The following PABPC1 variants were observed in gnomAD, a reference collection of about 807,000 sequenced individuals.
PABPC1 encodes the protein polyadenylate-binding protein 1.
In PABPC1, 4 loss-of-function variants were observed where a neutral mutation model predicts 74.0. The observed-to-expected ratio is 0.05, with a 90% CI of 0.03 to 0.12. The LOEUF (loss-of-function observed/expected upper bound fraction) is 0.12. Ranked by LOEUF, PABPC1 falls within the 10% of genes least tolerant of loss-of-function variation. The pLI is 1.00. For missense variants in PABPC1, 271 were observed against 821.1 expected, an observed-to-expected ratio of 0.33 and a Z score of 8.19; for synonymous variants, 227 against 264.1, an observed-to-expected ratio of 0.86 and a Z score of 1.36.
In PABPC1 at chr8:100,709,508, G is replaced by T. The variant is rs759210686; in HGVS notation, c.1196C>A (p.Pro399His). 4.3e-6 allele frequency: 7 copies of T among 1,614,216 alleles called. No homozygotes were observed. The highest frequency in any genetic ancestry group is 5.9e-6 in the Non-Finnish European group (7 of 1,180,050). The change falls in exon 8 of 15, where the codon CCC (proline) becomes CAC (histidine). Residue 399 changes from proline (P) to histidine (H), a missense_variant. Pro to His is a moderately conservative substitution (Grantham distance 77). This residue lies in a region of PABPC1 where 103 missense variants were observed against 245.3 expected (regional missense o/e 0.42). Coordinates refer to ENST00000318607, the MANE Select transcript of PABPC1 (RefSeq NM_002568.4). ...ACCTGAAGGAGGTGCTGGCTGGTAG[G>T]GGTTGATTACAGGGTTGGGAACAGC... is the stretch of plus-strand genomic sequence containing the variant. ...VRAVPNPVIN[P>H]YQPAPPSGYF... is the part of the protein sequence containing the mutation.
rs983642498 is a variant in PABPC1 at position 100,712,233 on chromosome 8, A to G, written c.972+129T>C. 25 of 589,510 alleles carry G rather than the reference A, an allele frequency of 4.2e-5. No individual in the cohort carries two copies. In the Admixed American group the frequency reaches 6.6e-4, roughly 16 times the overall value. 36.5% of individuals were successfully genotyped at this position (589,510 alleles called of 1,614,324 possible). ...GGCTATGACAACCAGTTCAAATGTG[A>G]ATTTAAGTTTTAGAAGTAACGAAGC... On this transcript the variant is annotated intron_variant, in intron 7 of 14. Transcript: ENST00000318607.
chr8:100,721,715 G>C lies in PABPC1; in HGVS notation c.-132C>G. 2.6e-6 allele frequency: 2 copies of C among 777,930 alleles called. No individual in the cohort carries two copies. Among genetic ancestry groups the C allele is most frequent in the Non-Finnish European group, 1.9e-6 (1 of 526,832 alleles). 48.2% of individuals were successfully genotyped at this position (777,930 alleles called of 1,614,324 possible). ...AGCGCAGAGGGACAAAAATCAACCG[G>C]AATTGAAAACTACTCAACGGCCGCA... On this transcript the variant is annotated 5_prime_UTR_variant, in exon 1 of 15. Coordinates refer to ENST00000318607, the MANE Select transcript of PABPC1 (RefSeq NM_002568.4). The surrounding 1 kb of genome is among the most constrained non-coding windows in gnomAD (Gnocchi z 7.4).
intron 9 of PABPC1, 47 bp downstream of exon 9, chr8:100,709,086 T>G: frequency 7.1e-7 from 1 of 1,402,680 alleles, no homozygotes; most frequent in African/African-American, 1.4e-5. Context: ...CCCAATGTGT[T>G]ATTTTTAACT....
rs373744457 is a variant in PABPC1 at position 100,715,443 on chromosome 8, T to C, written c.643+19A>G. 5.7e-6 allele frequency: 9 copies of C among 1,567,518 alleles called. No homozygotes were observed. Among genetic ancestry groups the C allele is most frequent in the Middle Eastern group, 3.4e-4 (2 of 5,856 alleles). The stretch of plus-strand genomic sequence containing the variant: ...TAATTCAGAGCTTTGTGTGTAAAAA[T>C]TTAATTAAGACACATTACCAAACTT... On this transcript the variant is annotated intron_variant, in intron 4 of 14. Transcript: ENST00000318607.
rs768028792 is a variant in PABPC1, at chr8:100,705,076, A to C, written c.1688-20T>G. On this transcript the variant is annotated intron_variant, in intron 12 of 14. Coordinates refer to ENST00000318607, the MANE Select transcript of PABPC1 (RefSeq NM_002568.4). ...GTTCACCTAGGAACAGAAACATTCA[A>C]AAACTCCCTTCAATAAAAAAAAGTT... 8.1e-6 allele frequency: 13 copies of C among 1,596,778 alleles called. No individual in the cohort carries two copies. Among genetic ancestry groups the C allele is most frequent in the African/African-American group, 1.4e-5 (1 of 73,716 alleles).
chr8:100,715,470 C>T lies in PABPC1; in HGVS notation c.635G>A (p.Gly212Asp). 2 of 1,599,500 alleles carry T rather than the reference C, an allele frequency of 1.3e-6. No homozygotes were observed. The highest frequency in any genetic ancestry group is 1.7e-6 in the Non-Finnish European group (2 of 1,171,660). Residue 212 changes from glycine (G) to aspartate (D), a missense_variant, in exon 4 of 15, where the codon GGC (glycine) becomes GAC (aspartate). This residue lies in a region of PABPC1 where 78 missense variants were observed against 202.8 expected (regional missense o/e 0.38). Transcript: ENST00000318607. ...TAATTAAGACACATTACCAAACTTGCCAAAGAGATCCTTAAGGCGCTCATC... is the reference window on the plus strand; with the variant it reads ...TAATTAAGACACATTACCAAACTTGTCAAAGAGATCCTTAAGGCGCTCATC... ...MDDERLKDLF[G>D]KFGPALSVKV...
chr8:100,709,067 G>T, intron 9 of PABPC1, 66 bp downstream of exon 9: 1 of 1,175,312 alleles, frequency 8.5e-7, no homozygotes, highest in Non-Finnish European at 1.3e-6. Context: ...ACATAGAAGA[G>T]CTGATTTACC....
chr8:100,719,162 C>A (rs537026552), intron 1 of PABPC1, among the ~76,000 whole-genome samples: 10 of 152,248 alleles, frequency 6.6e-5, no homozygotes, highest in African/African-American at 2.2e-4. Flanking sequence ...AATGAAATAA[C>A]ACATCCTTAA....
At position 100,719,589 on chromosome 8, in the gene PABPC1, G is replaced by A. The variant is rs150437089; in HGVS notation, c.194-1309C>T. Among the ~76,000 whole-genome samples, 449 of 152,242 alleles carry A rather than the reference G, an allele frequency of 2.9e-3. 4 individuals are homozygous for A. In the East Asian group the frequency reaches 0.047, roughly 16 times the overall value. On this transcript the variant is annotated intron_variant, in intron 1 of 14. Coordinates refer to ENST00000318607, the MANE Select transcript of PABPC1 (RefSeq NM_002568.4). The stretch of plus-strand genomic sequence containing the variant: ...ACAGAAACTAGACAAATGGAAAACT[G>A]CCATATTCTTTTCAGTAGTTAGGGT...
chr8:100,707,507 GGGAGA>G, intron 9 of PABPC1, among the ~76,000 whole-genome samples: 1 of 152,316 alleles, frequency 6.6e-6, no homozygotes, highest in Non-Finnish European at 1.5e-5. Flanking sequence ...GAGGCAGAGA[GGGAGA>G]GGAGACAGAG....
rs912275332 is a variant in PABPC1, at chr8:100,714,703, C to T, written c.643+759G>A. Among the ~76,000 whole-genome samples the T allele has an allele frequency of 6.6e-5, 10 of 151,830 alleles. No homozygotes were observed. The East Asian group carries it at 1.2e-3, about 18-fold the overall frequency. On this transcript the variant is annotated intron_variant, in intron 4 of 14. Transcript: ENST00000318607. ...GAGATCACGTGACTGCACTCCAGCCCGGGTGACAGAGCAAGAGTCAAAAAA... is the reference window on the plus strand; with the variant it reads ...GAGATCACGTGACTGCACTCCAGCCTGGGTGACAGAGCAAGAGTCAAAAAA...
rs989338660 is a variant in PABPC1 at position 100,706,821 on chromosome 8, A to G, written c.1448-16T>C. 3.4e-6 allele frequency: 4 copies of G among 1,180,174 alleles called. No individual in the cohort carries two copies. The highest frequency in any genetic ancestry group is 4.3e-6 in the Non-Finnish European group (4 of 928,654). The allele number at this position is 1,180,174 out of a possible 1,614,324, so 73.1% of individuals were successfully genotyped here. A position where few individuals can be genotyped will look rare whatever the true frequency, so the allele number is the denominator to read the frequency against. On this transcript the variant is annotated splice_polypyrimidine_tract_variant and intron_variant, in intron 10 of 14. Coordinates refer to ENST00000318607, the MANE Select transcript of PABPC1 (RefSeq NM_002568.4). ...GATGTGTTAGCTAAAAAATAAGAAC[A>G]TTTTGTATTTTTATCTTGCTCTTTC...
rs1004736762 is a variant in PABPC1 at position 100,707,663 on chromosome 8, A to G, written c.1337-666T>C. Among the ~76,000 whole-genome samples the G allele has an allele frequency of 2.2e-4, 34 of 152,352 alleles. No individual in the cohort carries two copies. In the East Asian group the frequency reaches 3.7e-3, roughly 16 times the overall value. On this transcript the variant is annotated intron_variant, in intron 9 of 14. Transcript: ENST00000318607. The stretch of plus-strand genomic sequence containing the variant: ...ACTAGGAGCGTGACCACTGAAGCAC[A>G]GCACCATAGGGAGACGGTTAGGCCT...
chr8:100,704,118 C>T (rs1032754127), intron 14 of PABPC1, 179 bp downstream of exon 14: 14 of 443,906 alleles, frequency 3.2e-5, no homozygotes, highest in Middle Eastern at 6.4e-4. Flanking sequence ...CAACAGTTAA[C>T]GGGTAAAATT....
At chr8:100,704,790 A>G (rs1810338531) in intron 13 of PABPC1, 136 bp downstream of exon 13, 1 of 880,150 alleles carries the variant, frequency 1.1e-6, no homozygotes, top group African/African-American at 1.7e-5. Flanking sequence ...AAATAGCGCC[A>G]CAGGTTATTA....
chr8:100,711,407 G>C (rs1163915332), intron 7 of PABPC1, among the ~76,000 whole-genome samples: 2 of 152,254 alleles, frequency 1.3e-5, no homozygotes, highest in Admixed American at 1.3e-4. Flanking sequence ...AGGAAAGGCT[G>C]AGGCTGCAGT....
intron 7 of PABPC1, 129 bp from the exon 8 acceptor site, chr8:100,709,860 T>A (rs1252150125): frequency 3.7e-6 from 4 of 1,095,078 alleles, no homozygotes; most frequent in Non-Finnish European, 5.1e-6. Flanking sequence ...AATCATCTTG[T>A]ATTTACCCAT....
At chr8:100,710,509 C>CA (rs1280139621) in intron 7 of PABPC1, among the ~76,000 whole-genome samples, 3 of 152,136 alleles carry the variant, frequency 2.0e-5, no homozygotes, top group Non-Finnish European at 4.4e-5. Flanking sequence ...CAATACATGA[C>CA]ACACTGGGAC....
At position 100,704,918 on chromosome 8, in the gene PABPC1, T is replaced by A; in HGVS notation, c.1818+8A>T. The A allele has an allele frequency of 6.2e-7, 1 of 1,611,092 alleles. No individual in the cohort carries two copies. The highest frequency in any genetic ancestry group is 8.5e-7 in the Non-Finnish European group (1 of 1,179,576). On this transcript the variant is annotated splice_region_variant and intron_variant, in intron 13 of 14. Coordinates refer to ENST00000318607, the MANE Select transcript of PABPC1 (RefSeq NM_002568.4). ...TAAGAGGCAACTTGGTAAATAAATT[T>A]AAATCACCTTAGAACGGAGTGACTC...
Sources: allele counts gnomAD v4.1 joint callset (sites outside exome capture counted in the v4.1 genomes callset), GRCh38; gene constraint gnomAD v4.1.1; regional missense constraint gnomAD v4.1.1; non-coding constraint Gnocchi (gnomAD v3.1); transcripts MANE v1.5; gene names NCBI Gene and HGNC (gene_info 2026-07-23, HGNC 2026-07-21).